Variants in PCED1B observed in about 807,000 individuals in gnomAD.
The protein encoded by PCED1B is PC-esterase domain-containing protein 1B.
For synonymous variants in PCED1B, 251 were observed against 246.1 expected, an observed-to-expected ratio of 1.02 and a Z score of -0.19; for missense variants, 573 against 573.9, an observed-to-expected ratio of 1.00 and a Z score of 0.02.
At chr12:47,232,495 T>C (rs7956840) in intron 3 of PCED1B, among the ~76,000 whole-genome samples, 37,747 of 152,156 alleles carry the variant, frequency 0.25, 5,387 homozygotes, top group East Asian at 0.41. Flanking sequence ...TATCCACCCA[T>C]ACCTATTAAA....
At chr12:47,158,964 T>C (rs1419256783) in intron 2 of PCED1B, among the ~76,000 whole-genome samples, 1 of 152,152 alleles carries the variant, frequency 6.6e-6, no homozygotes, top group Non-Finnish European at 1.5e-5. Flanking sequence ...TCCATGAACT[T>C]TTTTAGCTCT....
intron 2 of PCED1B, among the ~76,000 whole-genome samples, chr12:47,202,077 T>C (rs1050167391): frequency 6.6e-6 from 1 of 152,212 alleles, no homozygotes; most frequent in African/African-American, 2.4e-5. Context: ...CTATATTCAT[T>C]GTAAGCACCA....
intron 2 of PCED1B, chr12:47,210,726 T>A (rs1398227039): frequency 6.6e-6 from 1 of 152,000 alleles, no homozygotes; most frequent in African/African-American, 2.4e-5. Flanking sequence ...GATCATGCCA[T>A]TGCACTCCAG....
Position 47,170,113 on chromosome 12 carries a change from G to T in PCED1B, c.-525-46109G>T, listed in dbSNP as rs1399739806. On this transcript the variant is annotated intron_variant, in intron 2 of 3. Transcript: ENST00000546455. ...GGTGATGACTCTTAAGGAGCATGCTGCCTTCAAGCATCTGTTTAACAAAGC... is the reference window on the plus strand; with the variant it reads ...GGTGATGACTCTTAAGGAGCATGCTTCCTTCAAGCATCTGTTTAACAAAGC... Among the ~76,000 whole-genome samples the T allele has an allele frequency of 1.2e-4, 19 of 152,052 alleles. No individual in the cohort carries two copies. In the East Asian group the frequency reaches 2.5e-3, roughly 20 times the overall value.
rs75658596 is a variant in PCED1B, at chr12:47,128,471, C to T, written c.-526+24276C>T. Among the ~76,000 whole-genome samples, 783 of 147,412 alleles carry T rather than the reference C, an allele frequency of 5.3e-3. 6 individuals are homozygous for T. Among genetic ancestry groups the T allele is most frequent in the African/African-American group, 0.018 (703 of 39,674 alleles). ...TGAAGTGTTAAGGTGTCATGGAGAG[C>T]GCTGAAAACCAGAGATCTACCCAAA... On this transcript the variant is annotated intron_variant, in intron 2 of 3. Coordinates refer to ENST00000546455, the MANE Select transcript of PCED1B (RefSeq NM_138371.3).
At chr12:47,212,061 C>A (rs1483002965) in intron 2 of PCED1B, among the ~76,000 whole-genome samples, 1 of 128,556 alleles carries the variant, frequency 7.8e-6, no homozygotes, top group African/African-American at 3.1e-5. Flanking sequence ...GGAGACAGAG[C>A]GAGACTCCGT....
intron 3 of PCED1B, among the ~76,000 whole-genome samples, chr12:47,222,810 C>T (rs1943525545): frequency 6.6e-6 from 1 of 152,186 alleles, no homozygotes; most frequent in South Asian, 2.1e-4. Context: ...GCCCCTCCCT[C>T]TCAGCCAGTG....
At chr12:47,180,487 A>C (rs1412532520) in intron 2 of PCED1B, among the ~76,000 whole-genome samples, 1 of 152,228 alleles carries the variant, frequency 6.6e-6, no homozygotes, top group Non-Finnish European at 1.5e-5. Context: ...TGGATTAAAG[A>C]CTTCAATATA....
At chr12:47,208,157 T>C (rs1323593551) in intron 2 of PCED1B, among the ~76,000 whole-genome samples, 1 of 152,220 alleles carries the variant, frequency 6.6e-6, no homozygotes, top group Non-Finnish European at 1.5e-5. Context: ...CTGAACCGGC[T>C]GCCCTTAGAC....
At chr12:47,102,771 A>G (rs1938767852) in intron 1 of PCED1B, among the ~76,000 whole-genome samples, 1 of 152,220 alleles carries the variant, frequency 6.6e-6, no homozygotes, top group South Asian at 2.1e-4. Flanking sequence ...CTTAGCAATG[A>G]CGTATAGGAG....
intron 2 of PCED1B, chr12:47,209,054 G>A (rs1369205675): frequency 6.6e-6 from 1 of 152,128 alleles, no homozygotes; most frequent in Non-Finnish European, 1.5e-5. Flanking sequence ...TGTGCGTGTG[G>A]CATCTATGCT....
At chr12:47,083,897 C>T (rs1937858080) in intron 1 of PCED1B, among the ~76,000 whole-genome samples, 1 of 152,158 alleles carries the variant, frequency 6.6e-6, no homozygotes, top group South Asian at 2.1e-4. Flanking sequence ...TCTTCATTGA[C>T]ATAGGCCGGA....
chr12:47,162,758 A>G (rs887915289), intron 2 of PCED1B, among the ~76,000 whole-genome samples: 1 of 152,240 alleles, frequency 6.6e-6, no homozygotes, highest in African/African-American at 2.4e-5. Context: ...CCAAGCCATT[A>G]ATAAGGCATC....
chr12:47,234,108 C>T (rs1370624401), intron 3 of PCED1B, among the ~76,000 whole-genome samples: 1 of 152,206 alleles, frequency 6.6e-6, no homozygotes, highest in African/African-American at 2.4e-5. Flanking sequence ...CCTGCCTCAG[C>T]CTCCCAAGTA....
chr12:47,177,338 T>A (rs147362245), intron 2 of PCED1B, among the ~76,000 whole-genome samples: 2 of 152,228 alleles, frequency 1.3e-5, no homozygotes, highest in Non-Finnish European at 2.9e-5. Flanking sequence ...TATTTCATCA[T>A]TGGCGAAATT....
intron 2 of PCED1B, among the ~76,000 whole-genome samples, chr12:47,196,625 C>T (rs832740): frequency 0.054 from 8,224 of 152,078 alleles, 298 homozygotes; most frequent in African/African-American, 0.098. Context: ...GCCAGGAGTT[C>T]GAGACCAGCC....
intron 2 of PCED1B, among the ~76,000 whole-genome samples, chr12:47,201,865 G>T (rs2137712791): frequency 6.6e-6 from 1 of 152,266 alleles, no homozygotes; most frequent in East Asian, 1.9e-4. Flanking sequence ...CTCTCGAAGT[G>T]CTGGAATTAC....
chr12:47,211,028 A>T (rs1011629162), intron 2 of PCED1B, among the ~76,000 whole-genome samples: 1 of 152,232 alleles, frequency 6.6e-6, no homozygotes, highest in Non-Finnish European at 1.5e-5. Context: ...AAAGAATATG[A>T]CTAGAAGCTA....
chr12:47,121,189 A>C (rs1199996115), intron 2 of PCED1B, among the ~76,000 whole-genome samples: 9 of 152,222 alleles, frequency 5.9e-5, no homozygotes. Flanking sequence ...GAGTGAAAAA[A>C]TCTTATTCTT....
Sources: gnomAD v4.1 joint callset for allele counts (sites outside exome capture counted in the v4.1 genomes callset) on GRCh38, gnomAD v4.1.1 for gene constraint, MANE v1.5 for transcripts, NCBI Gene and HGNC (gene_info 2026-07-23, HGNC 2026-07-21) for gene names.